ZNF292: variants seen among roughly 807,000 people sequenced by gnomAD.
The protein encoded by ZNF292 is 16 zinc-finger domain protein.
A neutral mutation model predicts 217.9 loss-of-function variants in ZNF292; 26 were observed. The observed-to-expected ratio is 0.12, with a 90% confidence interval of 0.09 to 0.17. The LOEUF (loss-of-function observed/expected upper bound fraction) is 0.17, where lower values mean the gene tolerates loss of function less well. ZNF292 is among the 10% of genes least tolerant of loss of function. ZNF292 has a pLI of 1.00. For missense variants in ZNF292, 2,904 were observed against 3,175.2 expected (o/e 0.91, Z 2.05); for synonymous variants, 1,257 against 1,124.1 (o/e 1.12, Z -2.37).
intron 1 of ZNF292, among the ~76,000 whole-genome samples, chr6:87,167,776 T>C (rs1770964017): frequency 1.3e-5 from 2 of 152,362 alleles, no homozygotes; most frequent in East Asian, 1.9e-4. Context: ...TACTGCTCTT[T>C]ATGTGGTTGA....
In ZNF292 at chr6:87,261,321, A is replaced by G; in HGVS notation, c.7692A>G (p.Glu2564=). The change falls in exon 8 of 8, where the codon GAA becomes GAG. Residue 2564 remains glutamate, a synonymous_variant. Transcript: ENST00000369577. ...CTGAGTTAAGTAGCGTGCGTAAAGA[A>G]GAAGAAACTGCTGTTGCCATTCAAA... is the stretch of plus-strand genomic sequence containing the variant. The part of the protein sequence containing the change: ...SAAELSSVRK[E]EETAVAIQTI... The G allele has an allele frequency of 6.2e-7, 1 of 1,613,476 alleles. No homozygotes were observed. The highest frequency in any genetic ancestry group is 8.5e-7 in the Non-Finnish European group (1 of 1,179,666).
Position 87,243,537 on chromosome 6 carries a change from T to A in ZNF292, c.804T>A (p.Asp268Glu), listed in dbSNP as rs1371506936. ...TCTGTAACTTAGAATCTGAGGGTGA[T>A]GAAAAAAGCGCTCTTGTTTTATGTA... ...EMICNLESEGDEKSALVLCTA... is the reference protein window; with the variant it reads ...EMICNLESEGEEKSALVLCTA... The change falls in exon 6 of 8, where the codon GAT becomes GAA. Residue 268 changes from aspartate to glutamate, a missense_variant. Physicochemically the swap from Asp to Glu is conservative, Grantham distance 45. Coordinates refer to ENST00000369577, the MANE Select transcript of ZNF292 (RefSeq NM_015021.3). 1.3e-6 allele frequency: 2 copies of A among 1,558,642 alleles called. No individual in the cohort carries two copies. The highest frequency in any genetic ancestry group is 1.7e-6 in the Non-Finnish European group (2 of 1,150,260).
intron 1 of ZNF292, among the ~76,000 whole-genome samples, chr6:87,163,830 CTGGCATTTTTGGAGAAAAA>C (rs1380071509): frequency 2.6e-5 from 4 of 151,980 alleles, no homozygotes; most frequent in Non-Finnish European, 5.9e-5. Context: ...ACTATTCAAA[CTGGCATTTTTGGAGAAAAA>C]TGCCAAGTGA....
intron 4 of ZNF292, among the ~76,000 whole-genome samples, chr6:87,227,298 C>T (rs1773405463): frequency 6.6e-6 from 1 of 152,116 alleles, no homozygotes; most frequent in Admixed American, 6.5e-5. Context: ...CAGGGCCCTA[C>T]CTCATACCAA....
chr6:87,157,601 G>T (rs751795563), intron 1 of ZNF292, among the ~76,000 whole-genome samples: 1 of 152,060 alleles, frequency 6.6e-6, no homozygotes, highest in Non-Finnish European at 1.5e-5. Context: ...TAATAATTCT[G>T]GGAAAATAGA....
intron 1 of ZNF292, among the ~76,000 whole-genome samples, chr6:87,182,978 A>G (rs1356222512): frequency 2.6e-5 from 4 of 152,196 alleles, no homozygotes; most frequent in African/African-American, 4.8e-5. Context: ...TGATCTTCCC[A>G]ATGAAACACT....
Position 87,259,195 on chromosome 6 carries a change from C to T in ZNF292, c.5566C>T (p.Pro1856Ser), listed in dbSNP as rs1158433752. ...KLKLENDLST[P>S]ASQCVLINTS... ...AAAATTAGAAAATGACCTATCCACT[C>T]CAGCATCCCAATGTGTACTGATAAA... The change falls in exon 8 of 8, where the codon CCA (proline) becomes TCA (serine). Residue 1856 changes from proline (P) to serine (S), a missense_variant. This residue lies in a region of ZNF292 where 622 missense variants were observed against 573.1 expected (regional missense o/e 1.09). Transcript: ENST00000369577. 22 of 1,613,572 alleles carry T rather than the reference C, an allele frequency of 1.4e-5. No individual in the cohort carries two copies. The highest frequency in any genetic ancestry group is 1.8e-5 in the Non-Finnish European group (21 of 1,179,714).
intron 1 of ZNF292, among the ~76,000 whole-genome samples, chr6:87,156,162 C>T (rs995173275): frequency 2.0e-5 from 3 of 152,242 alleles, no homozygotes; most frequent in Admixed American, 2.0e-4. Context: ...CTCTGCTTCC[C>T]ACTCCGACGG....
intron 4 of ZNF292, among the ~76,000 whole-genome samples, chr6:87,231,890 A>G (rs1453620086): frequency 2.6e-5 from 4 of 152,190 alleles, no homozygotes; most frequent in African/African-American, 7.2e-5. Context: ...CTTGATAGCC[A>G]GAATAACTTT....
chr6:87,245,531 C>A lies in ZNF292; in HGVS notation c.907C>A (p.Gln303Lys). ...WELTLFWSKLQQRVEPSIQVY... is the reference protein window; with the variant it reads ...WELTLFWSKLKQRVEPSIQVY... ...ACTTACTCTCTTTTGGAGTAAATTA[C>A]AACAAAGAGTAGAACCATCTATACA... The change falls in exon 7 of 8, where the codon CAA (glutamine) becomes AAA (lysine). Residue 303 changes from glutamine to lysine, a missense_variant. Around this residue, in one of 15 missense-constraint regions of ZNF292, gnomAD observed 313 missense variants for 451.0 expected, o/e 0.69. Transcript: ENST00000369577. 6.5e-7 allele frequency: 1 copy of A among 1,529,700 alleles called. No homozygotes were observed. Among genetic ancestry groups the A allele is most frequent in the South Asian group, 1.3e-5 (1 of 78,420 alleles). The allele number at this position is 1,529,700 out of a possible 1,614,324, so 94.8% of individuals were successfully genotyped here.
intron 1 of ZNF292, among the ~76,000 whole-genome samples, chr6:87,174,835 TCAAA>T (rs1771229786): frequency 6.6e-6 from 1 of 152,200 alleles, no homozygotes. Flanking sequence ...AACAATATTA[TCAAA>T]CAGTGAAATT....
intron 4 of ZNF292, among the ~76,000 whole-genome samples, chr6:87,222,041 T>C (rs1296455445): frequency 6.6e-6 from 1 of 152,164 alleles, no homozygotes; most frequent in African/African-American, 2.4e-5. Context: ...TTGTATACTT[T>C]TTCTTTTGGT....
At chr6:87,228,798 A>T (rs1037535962) in intron 4 of ZNF292, among the ~76,000 whole-genome samples, 3 of 152,164 alleles carry the variant, frequency 2.0e-5, no homozygotes, top group Non-Finnish European at 4.4e-5. Context: ...GTCTGTCTTT[A>T]TGCCAGTATC....
At chr6:87,187,834 A>ATGCC (rs1379679710) in intron 1 of ZNF292, among the ~76,000 whole-genome samples, 2 of 152,130 alleles carry the variant, frequency 1.3e-5, no homozygotes, top group African/African-American at 4.8e-5. Flanking sequence ...GCAACATTAA[A>ATGCC]TGCCTGTAGA....
Position 87,204,337 on chromosome 6 carries a change from G to A in ZNF292, c.169-11566G>A, listed in dbSNP as rs1026658437. Reference sequence around the variant, plus strand: ...TATCAGTGTTTATTGCCTGATTCTGGTGGTCATACTGTGGTTATGTGGGAG... The same window carrying A: ...TATCAGTGTTTATTGCCTGATTCTGATGGTCATACTGTGGTTATGTGGGAG... On this transcript the variant is annotated intron_variant, in intron 1 of 7. Transcript: ENST00000369577. Among the ~76,000 whole-genome samples, 3 of 152,084 alleles carry A rather than the reference G, an allele frequency of 2.0e-5. No homozygotes were observed. The South Asian group carries it at 6.2e-4, about 31-fold the overall frequency.
intron 1 of ZNF292, among the ~76,000 whole-genome samples, chr6:87,196,625 T>C (rs972719848): frequency 6.6e-6 from 1 of 152,242 alleles, no homozygotes; most frequent in Non-Finnish European, 1.5e-5. Context: ...ATGCACTTAC[T>C]CAAAGTTGAT....
chr6:87,227,351 G>A (rs1350577139), intron 4 of ZNF292, among the ~76,000 whole-genome samples: 4 of 152,084 alleles, frequency 2.6e-5, no homozygotes, highest in African/African-American at 4.8e-5. Context: ...AGAACTTGAA[G>A]CATTGTGTTT....
rs1300979446 is a variant in ZNF292 at position 87,248,750 on chromosome 6, A to G, written c.1020+3106A>G. 2.0e-5 allele frequency among the ~76,000 whole-genome samples: 3 copies of G among 152,212 alleles called. No individual in the cohort carries two copies. In the East Asian group the frequency reaches 5.8e-4, roughly 29 times the overall value. On this transcript the variant is annotated intron_variant, in intron 7 of 7. Transcript: ENST00000369577. Reference sequence around the variant, plus strand: ...GGCTATAAATCTTGACTTGCAATTGACCTTAATCACCATAGGTTTCATTAT... The same window carrying G: ...GGCTATAAATCTTGACTTGCAATTGGCCTTAATCACCATAGGTTTCATTAT...
At chr6:87,164,226 G>T (rs1236498648) in intron 1 of ZNF292, among the ~76,000 whole-genome samples, 1 of 152,146 alleles carries the variant, frequency 6.6e-6, no homozygotes, top group Non-Finnish European at 1.5e-5. Context: ...ATGTCTGGTG[G>T]TTGTCAGACA....
Sources: gnomAD v4.1 joint callset for allele counts (sites outside exome capture counted in the v4.1 genomes callset) on GRCh38, gnomAD v4.1.1 for gene constraint, gnomAD v4.1.1 regional missense constraint, MANE v1.5 for transcripts, NCBI Gene and HGNC (gene_info 2026-07-23, HGNC 2026-07-21) for gene names.